The following ARHGEF28 variants were observed in gnomAD, a reference collection of about 807,000 sequenced individuals.
ARHGEF28 encodes the protein 190 kDa guanine nucleotide exchange factor.
In ARHGEF28, 152 loss-of-function variants were observed where a neutral mutation model predicts 206.6. The ratio of observed to expected loss-of-function variants is 0.74; its 90% confidence interval spans 0.64 to 0.84. ARHGEF28 has a LOEUF of 0.84. Among genes scored for constraint, ARHGEF28 ranks in the 40% least tolerant of loss-of-function variants. ARHGEF28 has a pLI of 0.00. For missense variants in ARHGEF28, 2,028 were observed against 2,073.2 expected, an observed-to-expected ratio of 0.98 and a Z score of 0.42; for synonymous variants, 763 against 776.4, an observed-to-expected ratio of 0.98 and a Z score of 0.29.
intron 9 of ARHGEF28, among the ~76,000 whole-genome samples, chr5:73,817,248 T>C (rs1341382220): frequency 6.6e-6 from 1 of 152,236 alleles, no homozygotes; most frequent in Non-Finnish European, 1.5e-5. Context: ...ATTTGTTTTC[T>C]TTTTGCTGGT....
intron 1 of ARHGEF28, among the ~76,000 whole-genome samples, chr5:73,648,814 A>G (rs1744608868): frequency 6.6e-6 from 1 of 152,090 alleles, no homozygotes; most frequent in Non-Finnish European, 1.5e-5. Context: ...ACAGCTTCCC[A>G]CACCACTCAT....
chr5:73,680,483 T>C (rs1051253483), intron 1 of ARHGEF28, among the ~76,000 whole-genome samples: 4 of 136,756 alleles, frequency 2.9e-5, no homozygotes, highest in Admixed American at 2.3e-4. Flanking sequence ...CTTCAGAATA[T>C]GTCTCCATAT....
chr5:73,678,330 A>C (rs1259641449), intron 1 of ARHGEF28, among the ~76,000 whole-genome samples: 2 of 152,102 alleles, frequency 1.3e-5, no homozygotes, highest in Non-Finnish European at 2.9e-5. Context: ...TCTGAAAAAC[A>C]AAATTAATTG....
chr5:73,909,708 G>C lies in ARHGEF28; in HGVS notation c.4458G>C (p.Leu1486=), dbSNP rs1318052702. 1 of 1,529,260 alleles carries C rather than the reference G, an allele frequency of 6.5e-7. No individual in the cohort carries two copies. Among genetic ancestry groups the C allele is most frequent in the Admixed American group, 2.0e-5 (1 of 50,448 alleles). 94.7% of individuals were successfully genotyped at this position (1,529,260 alleles called of 1,614,324 possible). A position where few individuals can be genotyped will look rare whatever the true frequency, so the allele number is the denominator to read the frequency against. Residue 1486 remains leucine, a synonymous_variant, in exon 34 of 36, where the codon CTG becomes CTC. Coordinates refer to ENST00000513042, the MANE Select transcript of ARHGEF28 (RefSeq NM_001177693.2). ...AGTGCCAGTCGCAGGAGGAGCTGCT[G>C]CTGCGGAGCCGGGGCGAGCTGGACC... ...ERECQSQEEL[L]LRSRGELDLQ...
At chr5:73,799,886 G>A (rs903592325) in intron 9 of ARHGEF28, among the ~76,000 whole-genome samples, 4 of 152,156 alleles carry the variant, frequency 2.6e-5, no homozygotes, top group African/African-American at 9.7e-5. Context: ...GTACTTTGAA[G>A]CTCTAGGCAT....
In ARHGEF28 at chr5:73,926,489, TC is replaced by T. The variant is rs146042069; in HGVS notation, c.4949-14348del. On this transcript the variant is annotated intron_variant, in intron 35 of 35. Coordinates refer to ENST00000513042, the MANE Select transcript of ARHGEF28 (RefSeq NM_001177693.2). ...AGACCCTCCCAAACCTCCTTTTTCA[TC>T]CCCCCCTACCCTTTGGTTCACCTGC... Among the ~76,000 whole-genome samples, 123 of 151,986 alleles carry T rather than the reference TC, an allele frequency of 8.1e-4. 1 individual carries two copies. Among genetic ancestry groups the T allele is most frequent in the Non-Finnish European group, 1.1e-3 (78 of 67,934 alleles).
At chr5:73,802,059 A>G (rs1404519737) in intron 9 of ARHGEF28, among the ~76,000 whole-genome samples, 1 of 152,192 alleles carries the variant, frequency 6.6e-6, no homozygotes, top group Non-Finnish European at 1.5e-5. Context: ...ATCTCAACTG[A>G]TTACAAAAGG....
rs147627862 is a variant in ARHGEF28, at chr5:73,881,690, C to T, written c.2815-782C>T. On this transcript the variant is annotated intron_variant, in intron 22 of 35. Coordinates refer to ENST00000513042, the MANE Select transcript of ARHGEF28 (RefSeq NM_001177693.2). ...TTCCGGTTTCCATTACAATGCTCTT[C>T]AAGGGGACGTGTGCATGTAAGGCCA... 1.3e-3 allele frequency among the ~76,000 whole-genome samples: 200 copies of T among 152,258 alleles called. 2 individuals carry two copies. Among genetic ancestry groups the T allele is most frequent in the African/African-American group, 4.6e-3 (190 of 41,546 alleles).
intron 14 of ARHGEF28, among the ~76,000 whole-genome samples, chr5:73,857,317 T>C (rs1759107956): frequency 6.6e-6 from 1 of 152,156 alleles, no homozygotes; most frequent in African/African-American, 2.4e-5. Flanking sequence ...AGGGTAAAAT[T>C]ATAAGTCTAA....
chr5:73,810,299 C>T (rs1019932034), intron 9 of ARHGEF28, among the ~76,000 whole-genome samples: 1 of 152,152 alleles, frequency 6.6e-6, no homozygotes, highest in Admixed American at 6.5e-5. Context: ...TTGGGTGTCT[C>T]ACATGTATTG....
chr5:73,782,978 A>C (rs1285660514), intron 7 of ARHGEF28, among the ~76,000 whole-genome samples: 1 of 151,990 alleles, frequency 6.6e-6, no homozygotes, highest in Non-Finnish European at 1.5e-5. Context: ...TCAACTTCTG[A>C]TTTTAAAAAA....
chr5:73,802,308 A>G (rs1436354764), intron 9 of ARHGEF28, among the ~76,000 whole-genome samples: 2 of 152,234 alleles, frequency 1.3e-5, no homozygotes, highest in African/African-American at 4.8e-5. Flanking sequence ...TGAAGTGTAC[A>G]GAATGGGATG....
In ARHGEF28 at chr5:73,911,352, A is replaced by G; in HGVS notation, c.4725A>G (p.Ser1575=). ...FFINEALVQM[S]FNTFNKLNPS... Reference sequence around the variant, plus strand: ...TCAATGAAGCTTTAGTACAAATGTCATTTAACACTTTCAACAAACTGAATC... The same window carrying G: ...TCAATGAAGCTTTAGTACAAATGTCGTTTAACACTTTCAACAAACTGAATC... Residue 1575 remains serine (S), a synonymous_variant, in exon 35 of 36, where the codon TCA becomes TCG. Coordinates refer to ENST00000513042, the MANE Select transcript of ARHGEF28 (RefSeq NM_001177693.2). 6.2e-7 allele frequency: 1 copy of G among 1,613,432 alleles called. No individual in the cohort carries two copies. The highest frequency in any genetic ancestry group is 8.5e-7 in the Non-Finnish European group (1 of 1,179,562).
chr5:73,848,076 T>G (rs1251466545), intron 12 of ARHGEF28, among the ~76,000 whole-genome samples: 5 of 152,228 alleles, frequency 3.3e-5, no homozygotes, highest in Non-Finnish European at 7.3e-5. Context: ...TAAAGAGTTT[T>G]GCATTATTTT....
At chr5:73,869,207 AGT>A (rs1467526412) in intron 20 of ARHGEF28, among the ~76,000 whole-genome samples, 1 of 62,298 alleles carries the variant, frequency 1.6e-5, no homozygotes, top group African/African-American at 7.6e-5. Flanking sequence ...TTTCCTGAGG[AGT>A]GTGTGTGTGG....
intron 4 of ARHGEF28, among the ~76,000 whole-genome samples, chr5:73,772,979 TCAGTGTCCATTTTA>T (rs1379976893): frequency 6.6e-6 from 1 of 152,214 alleles, no homozygotes; most frequent in Non-Finnish European, 1.5e-5. Flanking sequence ...CATTTTGTTC[TCAGTGTCCATTTTA>T]CAGTGAACAA....
chr5:73,838,801 CAT>C (rs1483736651), intron 10 of ARHGEF28, among the ~76,000 whole-genome samples: 1 of 152,190 alleles, frequency 6.6e-6, no homozygotes, highest in Non-Finnish European at 1.5e-5. Context: ...TTACCAAAAT[CAT>C]AAAATTATCA....
intron 1 of ARHGEF28, among the ~76,000 whole-genome samples, chr5:73,635,259 C>T (rs1315019019): frequency 6.6e-6 from 1 of 152,182 alleles, no homozygotes; most frequent in Non-Finnish European, 1.5e-5. Context: ...AGGAGAATCG[C>T]TTGAACCCAG....
intron 1 of ARHGEF28, among the ~76,000 whole-genome samples, chr5:73,633,823 C>A (rs571029772): frequency 3.1e-4 from 47 of 152,104 alleles, no homozygotes; most frequent in African/African-American, 1.1e-3. Context: ...GTGATCTACC[C>A]CCGTTGGCCT....
Sources: gnomAD v4.1 joint callset for allele counts (sites outside exome capture counted in the v4.1 genomes callset) on GRCh38, gnomAD v4.1.1 for gene constraint, MANE v1.5 for transcripts, NCBI Gene and HGNC (gene_info 2026-07-23, HGNC 2026-07-21) for gene names.